IFT70A: variants seen among roughly 807,000 people sequenced by gnomAD.
IFT70A encodes the protein intraflagellar transport protein 70A.
At chr2:177,616,426 T>C in the IFT70A span, 2 of 264,410 alleles carry the variant, frequency 7.6e-6, no homozygotes, top group Non-Finnish European at 7.0e-6. Flanking sequence ...CTATCTGGGG[T>C]TACTTGCTTA....
the IFT70A span, chr2:177,618,384 CAGG>C: frequency 2.5e-6 from 4 of 1,613,332 alleles, no homozygotes; most frequent in Non-Finnish European, 3.4e-6. Flanking sequence ...CGGGGTTATC[CAGG>C]AGAAGGAAGG....
chr2:177,617,668 T>C, the IFT70A span: 15 of 1,614,106 alleles, frequency 9.3e-6, no homozygotes, highest in Middle Eastern at 1.6e-4. Flanking sequence ...ATGGGCATTT[T>C]CTGCCAGGAC....
the IFT70A span, chr2:177,616,871 C>T: frequency 2.5e-6 from 4 of 1,593,120 alleles, no homozygotes; most frequent in Admixed American, 7.2e-5. Flanking sequence ...TGGACACATT[C>T]TTGAATAACA....
chr2:177,617,366 C>A, the IFT70A span: 1 of 1,580,530 alleles, frequency 6.3e-7, no homozygotes, highest in Admixed American at 1.7e-5. Flanking sequence ...TTGCGGAAGA[C>A]CTTTTCCACC....
chr2:177,614,569 T>A, the IFT70A span: 2 of 152,182 alleles, frequency 1.3e-5, no homozygotes, highest in Non-Finnish European at 2.9e-5. Context: ...CAAAAATGCA[T>A]TTTTAAAAGG....
At chr2:177,618,052 C>G in the IFT70A span, 4 of 1,614,192 alleles carry the variant, frequency 2.5e-6, no homozygotes, top group Non-Finnish European at 3.4e-6. Flanking sequence ...GCGGATGCCA[C>G]GCTCAATAAT....
the IFT70A span, chr2:177,618,710 C>T: frequency 4.5e-6 from 7 of 1,552,284 alleles, no homozygotes; most frequent in South Asian, 1.2e-5. Flanking sequence ...ATAACCACCA[C>T]GGCTGTTATG....
chr2:177,617,378 T>C, the IFT70A span: 243 of 1,598,468 alleles, frequency 1.5e-4, 3 homozygotes, highest in South Asian at 1.6e-3. Context: ...TTTTCCACCA[T>C]TGGATAATTT....
chr2:177,613,593 TGA>T, the IFT70A span: 13 of 152,206 alleles, frequency 8.5e-5, no homozygotes, highest in Admixed American at 4.6e-4. Flanking sequence ...CTTAAGATCT[TGA>T]GAGTTTGTGG....
the IFT70A span, chr2:177,613,420 G>A: frequency 3.8e-4 from 58 of 152,172 alleles, no homozygotes; most frequent in Non-Finnish European, 6.0e-4. Context: ...CTCTTCCTAT[G>A]GTACTTCATG....
chr2:177,618,151 G>T, the IFT70A span: 1 of 1,614,240 alleles, frequency 6.2e-7, no homozygotes, highest in Non-Finnish European at 8.5e-7. Flanking sequence ...CTGGTAGCCC[G>T]AGGCCTGCAG....
the IFT70A span, chr2:177,617,803 G>A: frequency 6.2e-7 from 1 of 1,614,106 alleles, no homozygotes; most frequent in South Asian, 1.1e-5. Flanking sequence ...TGTAGGCCTG[G>A]CATCCATGTT....
At chr2:177,615,563 A>G in the IFT70A span, 1 of 152,172 alleles carries the variant, frequency 6.6e-6, no homozygotes, top group African/African-American at 2.4e-5. Context: ...ACATCCAACA[A>G]TAACAATCAC....
the IFT70A span, chr2:177,613,396 T>G: frequency 6.6e-6 from 1 of 152,216 alleles, no homozygotes; most frequent in African/African-American, 2.4e-5. Flanking sequence ...TTTACAATGT[T>G]AGGGTGTGAC....
the IFT70A span, chr2:177,618,692 G>A: frequency 2.7e-5 from 42 of 1,578,330 alleles, no homozygotes; most frequent in Non-Finnish European, 3.1e-5. Flanking sequence ...GCGCCGCTCA[G>A]ACCAGCCATA....
At chr2:177,613,300 ATG>A in the IFT70A span, 11 of 152,204 alleles carry the variant, frequency 7.2e-5, no homozygotes, top group Non-Finnish European at 1.5e-4. Flanking sequence ...TCCTTAGCAT[ATG>A]TGAGTATGTG....
At chr2:177,617,925 G>A in the IFT70A span, 127 of 1,614,146 alleles carry the variant, frequency 7.9e-5, no homozygotes, top group East Asian at 1.8e-3. Flanking sequence ...GGTATTCTAT[G>A]GCTGCCTTAA....
At chr2:177,614,216 G>C in the IFT70A span, 1 of 151,982 alleles carries the variant, frequency 6.6e-6, no homozygotes, top group Non-Finnish European at 1.5e-5. Context: ...TATACCTATG[G>C]CTAGTAAATT....
chr2:177,616,575 T>C, the IFT70A span: 1 of 893,406 alleles, frequency 1.1e-6, no homozygotes, highest in Non-Finnish European at 1.6e-6. Flanking sequence ...TGCTCAAACA[T>C]AAACTTGTTC....
Sources: allele counts gnomAD v4.1 joint callset, GRCh38; gene constraint gnomAD v4.1.1; transcripts MANE v1.5; gene names NCBI Gene and HGNC (gene_info 2026-07-23, HGNC 2026-07-21).